Variants in CPED1 observed in about 807,000 individuals in gnomAD.
The protein encoded by CPED1 is cadherin-like and PC-esterase domain-containing protein 1.
Under a neutral mutation model 128.2 loss-of-function variants are expected in CPED1, and 114 were observed. The observed-to-expected ratio is 0.89, with a 90% CI of 0.76 to 1.04. The LOEUF is 1.04. Ranked by LOEUF, CPED1 falls within the 50% of genes least tolerant of loss-of-function variation. CPED1 has a pLI of 0.00. For synonymous variants in CPED1, 462 were observed against 426.7 expected (o/e 1.08, Z -1.02); for missense variants, 1,211 against 1,207.1 (o/e 1.00, Z -0.05).
At chr7:121,200,877 A>G (rs1797380050) in intron 16 of CPED1, among the ~76,000 whole-genome samples, 1 of 152,140 alleles carries the variant, frequency 6.6e-6, no homozygotes, top group Non-Finnish European at 1.5e-5. Flanking sequence ...GTGTCATTGT[A>G]GCAGCAAAGG....
chr7:121,075,205 T>A (rs1211813848), intron 5 of CPED1, among the ~76,000 whole-genome samples: 1 of 152,160 alleles, frequency 6.6e-6, no homozygotes, highest in East Asian at 1.9e-4. Flanking sequence ...TTATTTTTTT[T>A]AGTTTTTACT....
chr7:121,113,301 A>G (rs1265982092), intron 7 of CPED1, among the ~76,000 whole-genome samples: 2 of 152,164 alleles, frequency 1.3e-5, no homozygotes, highest in East Asian at 3.8e-4. Context: ...CTTGCTCTCA[A>G]AGAACCCTCC....
At chr7:121,179,974 A>G (rs965965885) in intron 16 of CPED1, among the ~76,000 whole-genome samples, 4 of 152,094 alleles carry the variant, frequency 2.6e-5, no homozygotes, top group African/African-American at 9.7e-5. Flanking sequence ...GGGATCTAAA[A>G]TTTCACATTT....
chr7:121,044,670 G>GTTTTTTTTTTTT (rs1793147424), intron 3 of CPED1, among the ~76,000 whole-genome samples: 1 of 19,798 alleles, frequency 5.1e-5, no homozygotes, highest in African/African-American at 1.3e-4. Flanking sequence ...TTTTTTTTTT[G>GTTTTTTTTTTTT]CTATTTACTT....
At chr7:121,243,738 G>A (rs545186137) in intron 17 of CPED1, among the ~76,000 whole-genome samples, 8 of 152,248 alleles carry the variant, frequency 5.3e-5, no homozygotes, top group African/African-American at 1.9e-4. Flanking sequence ...TCATCATACT[G>A]AAGTAGTTCT....
chr7:121,001,871 G>A (rs2116764635), intron 2 of CPED1, among the ~76,000 whole-genome samples: 1 of 152,182 alleles, frequency 6.6e-6, no homozygotes, highest in African/African-American at 2.4e-5. Context: ...CTTTAGCTGA[G>A]AGTACTTTGA....
intron 4 of CPED1, chr7:121,050,933 G>T (rs1793335274): frequency 2.0e-6 from 1 of 491,760 alleles, no homozygotes; most frequent in African/African-American, 2.0e-5. Flanking sequence ...GGTCATGAAG[G>T]GACCATCAAG....
At chr7:121,010,550 G>T (rs956687433) in intron 2 of CPED1, among the ~76,000 whole-genome samples, 2 of 152,136 alleles carry the variant, frequency 1.3e-5, no homozygotes, top group Non-Finnish European at 2.9e-5. Context: ...CGCCCTGCAG[G>T]AATACATTTT....
chr7:121,248,962 T>C (rs1400191939), intron 18 of CPED1, among the ~76,000 whole-genome samples: 2 of 152,124 alleles, frequency 1.3e-5, no homozygotes, highest in South Asian at 2.1e-4. Flanking sequence ...AAAGATGAAA[T>C]AGCCATTTTG....
At chr7:121,219,768 T>A (rs539098445) in intron 16 of CPED1, among the ~76,000 whole-genome samples, 1 of 152,162 alleles carries the variant, frequency 6.6e-6, no homozygotes, top group East Asian at 1.9e-4. Context: ...TGTACTATCC[T>A]CTACCCAACC....
intron 5 of CPED1, among the ~76,000 whole-genome samples, chr7:121,068,630 A>G (rs1008212115): frequency 5.1e-4 from 76 of 150,156 alleles, no homozygotes; most frequent in African/African-American, 1.5e-3. Context: ...ACTTTAAAGT[A>G]GTTTTTTCCA....
intron 16 of CPED1, among the ~76,000 whole-genome samples, chr7:121,144,626 C>A (rs1795980116): frequency 2.0e-5 from 3 of 151,822 alleles, no homozygotes; most frequent in African/African-American, 7.2e-5. Flanking sequence ...TATAACAGGG[C>A]AACTGTAGTT....
intron 22 of CPED1, among the ~76,000 whole-genome samples, chr7:121,278,974 A>G (rs1792382498): frequency 6.6e-6 from 1 of 152,180 alleles, no homozygotes; most frequent in Non-Finnish European, 1.5e-5. Context: ...TCTTTGCAAT[A>G]AACCCCCATG....
chr7:121,239,725 T>C (rs549618423), intron 17 of CPED1, among the ~76,000 whole-genome samples: 1 of 152,264 alleles, frequency 6.6e-6, no homozygotes, highest in South Asian at 2.1e-4. Flanking sequence ...TAAATCAGAG[T>C]TGAACTTTTT....
intron 16 of CPED1, among the ~76,000 whole-genome samples, chr7:121,145,139 G>GTATA (rs71530056): frequency 1.1e-4 from 17 of 150,644 alleles, no homozygotes; most frequent in African/African-American, 1.9e-4. Context: ...GTGTATTTGT[G>GTATA]TATATATATA....
At chr7:121,240,956 C>CAAAG (rs1584623914) in intron 17 of CPED1, among the ~76,000 whole-genome samples, 1 of 152,072 alleles carries the variant, frequency 6.6e-6, no homozygotes, top group East Asian at 1.9e-4. Flanking sequence ...GTGTCTATAT[C>CAAAG]AAAGATGTGG....
At chr7:121,215,966 T>C (rs1797750429) in intron 16 of CPED1, among the ~76,000 whole-genome samples, 1 of 151,970 alleles carries the variant, frequency 6.6e-6, no homozygotes, top group African/African-American at 2.4e-5. Flanking sequence ...TTTCCCAATT[T>C]CACAGATAAG....
intron 3 of CPED1, among the ~76,000 whole-genome samples, chr7:121,034,364 C>T (rs1225360166): frequency 1.3e-5 from 2 of 148,170 alleles, no homozygotes; most frequent in Non-Finnish European, 3.0e-5. Context: ...CCTCCTGCTT[C>T]AGCCTCCAGA....
intron 7 of CPED1, among the ~76,000 whole-genome samples, chr7:121,105,947 A>G (rs1020084052): frequency 3.9e-5 from 6 of 152,154 alleles, no homozygotes; most frequent in African/African-American, 1.2e-4. Context: ...AATGATGATC[A>G]TCTTTATCTG....
Sources: allele counts gnomAD v4.1 joint callset (sites outside exome capture counted in the v4.1 genomes callset), GRCh38; gene constraint gnomAD v4.1.1; transcripts MANE v1.5; gene names NCBI Gene and HGNC (gene_info 2026-07-23, HGNC 2026-07-21).